Variants in CNTN4 observed in about 807,000 individuals in gnomAD.
The protein encoded by CNTN4 is contactin-4.
CNTN4 carries 77 observed loss-of-function variants against 122.5 expected under a neutral mutation model. The ratio of observed to expected loss-of-function variants is 0.63; its 90% CI spans 0.52 to 0.76. The LOEUF is 0.76. Ranked by LOEUF, CNTN4 falls within the 30% of genes least tolerant of loss-of-function variation. The pLI is 0.00. For missense variants in CNTN4, 1,256 were observed against 1,259.1 expected (o/e 1.00, Z 0.04); for synonymous variants, 512 against 447.0 (o/e 1.15, Z -1.83).
At chr3:2,738,978 A>T (rs2089300455) in intron 5 of CNTN4, among the ~76,000 whole-genome samples, 1 of 152,124 alleles carries the variant, frequency 6.6e-6, no homozygotes, top group African/African-American at 2.4e-5. Context: ...CTTGAAGAAG[A>T]TTTTTAAGTA....
intron 14 of CNTN4, among the ~76,000 whole-genome samples, chr3:2,994,594 C>CATATATATATATAT (rs35069373): frequency 0.035 from 5,033 of 144,338 alleles, 120 homozygotes; most frequent in Non-Finnish European, 0.05. Context: ...CAGATTTTTT[C>CATATATATATATAT]ATATATATAT....
intron 14 of CNTN4, among the ~76,000 whole-genome samples, chr3:3,011,311 C>T (rs937532439): frequency 1.1e-4 from 17 of 152,146 alleles, no homozygotes; most frequent in Non-Finnish European, 1.8e-4. Context: ...TAGAAATCAG[C>T]ATAGCAAACT....
At chr3:2,247,561 G>A (rs2040203290) in intron 2 of CNTN4, among the ~76,000 whole-genome samples, 1 of 151,960 alleles carries the variant, frequency 6.6e-6, no homozygotes, top group Admixed American at 6.6e-5. Flanking sequence ...TTCTAGATTT[G>A]CGAATTTCTT....
intron 4 of CNTN4, among the ~76,000 whole-genome samples, chr3:2,674,322 T>C (rs1449609531): frequency 1.3e-5 from 2 of 152,212 alleles, no homozygotes; most frequent in Non-Finnish European, 2.9e-5. Flanking sequence ...TGGGGTTCAG[T>C]GTGATATTTC....
rs747934012 is a variant in CNTN4 at position 2,801,472 on chromosome 3, T to TGA, written c.359-18014_359-18013insGA. On this transcript the variant is annotated intron_variant, in intron 6 of 24. Transcript: ENST00000418658. ...ACCAGGTTGTTGAATCTTTGTAGCCTCACACATCACTGTAGGCACAGTATG... is the reference window on the plus strand; with the variant it reads ...ACCAGGTTGTTGAATCTTTGTAGCCTGACACACATCACTGTAGGCACAGTATG... Among the ~76,000 whole-genome samples the TGA allele has an allele frequency of 9.8e-5, 15 of 152,326 alleles. No individual in the cohort carries two copies. In the East Asian group the frequency reaches 2.7e-3, roughly 27 times the overall value.
chr3:2,329,864 T>C (rs949644882), intron 2 of CNTN4, among the ~76,000 whole-genome samples: 3 of 152,242 alleles, frequency 2.0e-5, no homozygotes, highest in Admixed American at 2.0e-4. Flanking sequence ...CGTTTCTCTC[T>C]ACTTACACTA....
chr3:2,789,218 C>T (rs113285350), intron 6 of CNTN4, among the ~76,000 whole-genome samples: 2,237 of 152,278 alleles, frequency 0.015, 64 homozygotes, highest in African/African-American at 0.049. Context: ...TCTCCTATTA[C>T]CTGTGTGTCT....
At chr3:2,302,235 C>T (rs1218471476) in intron 2 of CNTN4, among the ~76,000 whole-genome samples, 2 of 152,112 alleles carry the variant, frequency 1.3e-5, no homozygotes, top group Non-Finnish European at 2.9e-5. Context: ...TTGAGACCAG[C>T]CTGGCCAACA....
At chr3:2,549,637 C>A (rs912937303) in intron 3 of CNTN4, among the ~76,000 whole-genome samples, 2 of 152,108 alleles carry the variant, frequency 1.3e-5, no homozygotes, top group African/African-American at 4.8e-5. Flanking sequence ...CGGTGTTCAG[C>A]AGGGATATTG....
chr3:2,374,345 C>A (rs982813317), intron 3 of CNTN4, among the ~76,000 whole-genome samples: 2 of 152,228 alleles, frequency 1.3e-5, no homozygotes, highest in African/African-American at 2.4e-5. Flanking sequence ...CCCCTCCATG[C>A]TTCTTCATGC....
At chr3:2,738,359 C>G (rs1010566742) in intron 5 of CNTN4, among the ~76,000 whole-genome samples, 1 of 152,130 alleles carries the variant, frequency 6.6e-6, no homozygotes, top group Non-Finnish European at 1.5e-5. Context: ...GTGAGAGAAA[C>G]TGTCAAATGT....
chr3:2,866,521 G>T (rs1004323580), intron 7 of CNTN4: 1 of 1,325,750 alleles, frequency 7.5e-7, no homozygotes. Context: ...CGCTTAATCA[G>T]CTATCAGTGT....
intron 4 of CNTN4, among the ~76,000 whole-genome samples, chr3:2,656,019 T>C (rs991691914): frequency 1.3e-5 from 2 of 152,172 alleles, no homozygotes; most frequent in African/African-American, 4.8e-5. Context: ...AAAAATAAAA[T>C]GGACTTTCTG....
chr3:2,260,377 GC>G (rs2040782957), intron 2 of CNTN4, among the ~76,000 whole-genome samples: 1 of 151,890 alleles, frequency 6.6e-6, no homozygotes, highest in African/African-American at 2.4e-5. Flanking sequence ...ATGTAAAATT[GC>G]CCATGGTTGA....
intron 4 of CNTN4, among the ~76,000 whole-genome samples, chr3:2,725,601 G>A (rs541093618): frequency 6.6e-6 from 1 of 152,138 alleles, no homozygotes; most frequent in South Asian, 2.1e-4. Context: ...AGTGGGGAAG[G>A]GCCTGGACAA....
intron 3 of CNTN4, among the ~76,000 whole-genome samples, chr3:2,372,641 A>C (rs1488358718): frequency 6.6e-6 from 1 of 152,186 alleles, no homozygotes; most frequent in African/African-American, 2.4e-5. Context: ...AGAGCCTGAC[A>C]GGAATGTTTT....
intron 2 of CNTN4, among the ~76,000 whole-genome samples, chr3:2,242,054 G>A (rs2039962358): frequency 1.3e-5 from 2 of 152,070 alleles, no homozygotes; most frequent in Admixed American, 6.6e-5. Context: ...GGTATTGGGT[G>A]AAAGACCATC....
intron 6 of CNTN4, among the ~76,000 whole-genome samples, chr3:2,817,712 A>T (rs1164660443): frequency 6.6e-6 from 1 of 152,194 alleles, no homozygotes; most frequent in Non-Finnish European, 1.5e-5. Context: ...TTAATTTTTC[A>T]TGCAACTCTG....
At chr3:2,378,144 A>C (rs1444526297) in intron 3 of CNTN4, among the ~76,000 whole-genome samples, 1 of 152,244 alleles carries the variant, frequency 6.6e-6, no homozygotes, top group African/African-American at 2.4e-5. Context: ...TAGATGCGAC[A>C]AATGGGCCCA....
Sources: gnomAD v4.1 joint callset for allele counts (sites outside exome capture counted in the v4.1 genomes callset) on GRCh38, gnomAD v4.1.1 for gene constraint, MANE v1.5 for transcripts, NCBI Gene and HGNC (gene_info 2026-07-23, HGNC 2026-07-21) for gene names.